Variants in CYB5R3 observed in about 807,000 individuals in gnomAD.
The protein encoded by CYB5R3 is NADH-cytochrome b5 reductase 3.
In CYB5R3, 28 loss-of-function variants were observed where a neutral mutation model predicts 36.5. The ratio of observed to expected loss-of-function variants is 0.77; its 90% CI spans 0.57 to 1.05. The LOEUF (loss-of-function observed/expected upper bound fraction) is 1.05, where lower values mean the gene tolerates loss of function less well. Ranked by LOEUF, CYB5R3 falls within the 50% of genes least tolerant of loss-of-function variation. The pLI is 0.00. For synonymous variants in CYB5R3, 181 were observed against 159.8 expected, an observed-to-expected ratio of 1.13 and a Z score of -1.00; for missense variants, 474 against 408.9, an observed-to-expected ratio of 1.16 and a Z score of -1.37.
chr22:42,630,684 G>A lies in CYB5R3; in HGVS notation c.333+198C>T, dbSNP rs2285139. Among the ~76,000 whole-genome samples, 48,153 of 152,144 alleles carry A rather than the reference G, an allele frequency of 0.32. 8,438 individuals are homozygous for A. The highest frequency in any genetic ancestry group is 0.41 in the South Asian group (1,957 of 4,818). On this transcript the variant is annotated intron_variant, in intron 4 of 8. Coordinates refer to ENST00000352397, the MANE Select transcript of CYB5R3 (RefSeq NM_000398.7). ...GGAGCACTGGGTCTTTGGAGTCCGG[G>A]CTGCGGGGGGACATGGACTCGAGAG...
chr22:42,630,948 C>T lies in CYB5R3; in HGVS notation c.267G>A (p.Leu89=), dbSNP rs752776652. 1.4e-5 allele frequency: 23 copies of T among 1,614,038 alleles called. No individual in the cohort carries two copies. The South Asian group carries it at 2.5e-4, about 18-fold the overall frequency. Residue 89 remains leucine, a synonymous_variant, in exon 4 of 9, where the codon CTG becomes CTA. Coordinates refer to ENST00000352397, the MANE Select transcript of CYB5R3 (RefSeq NM_000398.7). ...AGATGGGTGTATAGGGCCGGACGAC[C>T]AGGTTTCCATCAATTCGAGCCGAGA... ...IYLSARIDGN[L]VVRPYTPISS... is the part of the protein sequence containing the mutation.
At chr22:42,643,888 CCT>C (rs922291126) in intron 1 of CYB5R3, among the ~76,000 whole-genome samples, 43 of 152,068 alleles carry the variant, frequency 2.8e-4, no homozygotes, top group African/African-American at 9.4e-4. Flanking sequence ...GGTCAGCGCC[CCT>C]GAGCTGGCAC....
intron 4 of CYB5R3, 128 bp downstream of exon 4, chr22:42,630,754 G>A (rs905418000): frequency 5.9e-5 from 47 of 798,412 alleles, no homozygotes; most frequent in Non-Finnish European, 1.0e-4. Context: ...AGGAAGTGGG[G>A]CAGCCATGAC....
chr22:42,640,976 C>T (rs551472344), intron 1 of CYB5R3, among the ~76,000 whole-genome samples: 59 of 152,154 alleles, frequency 3.9e-4, no homozygotes, highest in South Asian at 3.1e-3. Flanking sequence ...TCTGTCTCAG[C>T]CTCCCGAGTA....
intron 2 of CYB5R3, 88 bp from the exon 3 acceptor site, chr22:42,631,538 C>T (rs1047277292): frequency 3.5e-6 from 4 of 1,157,102 alleles, no homozygotes; most frequent in Non-Finnish European, 5.1e-6. Context: ...CATCCCATTC[C>T]TCCTTTGTGT....
intron 1 of CYB5R3, among the ~76,000 whole-genome samples, chr22:42,645,603 T>C (rs1308985227): frequency 6.6e-6 from 1 of 152,038 alleles, no homozygotes; most frequent in Non-Finnish European, 1.5e-5. Flanking sequence ...TTCCTTCCAG[T>C]GTCTGCTCCC....
chr22:42,635,027 T>C (rs2146890820), intron 2 of CYB5R3, among the ~76,000 whole-genome samples: 2 of 150,634 alleles, frequency 1.3e-5, no homozygotes, highest in South Asian at 4.2e-4. Flanking sequence ...TGGAGTGCAG[T>C]GGCGCAATCT....
intron 1 of CYB5R3, among the ~76,000 whole-genome samples, chr22:42,648,111 C>T (rs923088247): frequency 1.3e-5 from 2 of 152,074 alleles, no homozygotes; most frequent in African/African-American, 4.8e-5. Flanking sequence ...TTCACCCTGG[C>T]CAAGGTTGCC....
chr22:42,620,077 G>C, intron 8 of CYB5R3, 132 bp from the exon 9 acceptor site: 1 of 903,488 alleles, frequency 1.1e-6, no homozygotes, highest in East Asian at 2.6e-5. Flanking sequence ...CTGTCACCAG[G>C]ACCCCCTGCC....
At chr22:42,622,337 G>A (rs951117377) in intron 8 of CYB5R3, among the ~76,000 whole-genome samples, 1 of 151,932 alleles carries the variant, frequency 6.6e-6, no homozygotes, top group South Asian at 2.1e-4. Context: ...CAGGAACCCC[G>A]CCACCATAAC....
intron 2 of CYB5R3, chr22:42,632,004 C>G (rs1928647095): frequency 6.3e-6 from 1 of 158,592 alleles, no homozygotes; most frequent in Non-Finnish European, 1.4e-5. Flanking sequence ...CTCCAAGAGC[C>G]CAAAGCCAGG....
Position 42,638,497 on chromosome 22 carries a change from A to G in CYB5R3, c.22-1651T>C, listed in dbSNP as rs74746483. Among the ~76,000 whole-genome samples the G allele has an allele frequency of 9.2e-3, 1,326 of 144,140 alleles. 26 individuals are homozygous for G. Among genetic ancestry groups the G allele is most frequent in the African/African-American group, 0.033 (1,274 of 38,574 alleles). 94.6% of individuals were successfully genotyped at this position (144,140 alleles called of 152,430 possible). On this transcript the variant is annotated intron_variant, in intron 1 of 8. Coordinates refer to ENST00000352397, the MANE Select transcript of CYB5R3 (RefSeq NM_000398.7). Reference sequence around the variant, plus strand: ...AGGCAGAAGATTGCTTGAGCCCAGTAGTTCGCGACCAGCCTGGGCAACATA... The same window carrying G: ...AGGCAGAAGATTGCTTGAGCCCAGTGGTTCGCGACCAGCCTGGGCAACATA...
At chr22:42,648,559 G>A (rs146410181) in intron 1 of CYB5R3, among the ~76,000 whole-genome samples, 19 of 152,032 alleles carry the variant, frequency 1.2e-4, no homozygotes, top group Admixed American at 3.3e-4. Context: ...CGGCGGCAGC[G>A]TTGTGGGACG....
intron 7 of CYB5R3, 45 bp from the exon 8 acceptor site, chr22:42,623,933 C>A: frequency 1.3e-6 from 2 of 1,548,214 alleles, no homozygotes; most frequent in South Asian, 2.2e-5. Context: ...GGGTGGCAGA[C>A]TGCCCCTGGA....
intron 1 of CYB5R3, among the ~76,000 whole-genome samples, chr22:42,639,277 T>G (rs1929093090): frequency 6.7e-6 from 1 of 148,282 alleles, no homozygotes; most frequent in Non-Finnish European, 1.5e-5. Flanking sequence ...TGAGCTGAGA[T>G]CGTGCCACTG....
chr22:42,648,039 C>A (rs1003701017), intron 1 of CYB5R3, among the ~76,000 whole-genome samples: 1 of 152,144 alleles, frequency 6.6e-6, no homozygotes, highest in Non-Finnish European at 1.5e-5. Flanking sequence ...ATAAAGGAGG[C>A]AGATGCTTTC....
Position 42,648,448 on chromosome 22 carries a change from G to A in CYB5R3, c.21+847C>T, listed in dbSNP as rs564849641. Among the ~76,000 whole-genome samples, 58 of 152,358 alleles carry A rather than the reference G, an allele frequency of 3.8e-4. 2 individuals are homozygous for A. Among genetic ancestry groups the A allele is most frequent in the African/African-American group, 1.1e-3 (47 of 41,588 alleles). ...ACCATGGTCAACTTTTGAGAAACTG[G>A]GGAGAGGAGGTGGCCTGGGGGGAAG... is the stretch of plus-strand genomic sequence containing the variant. On this transcript the variant is annotated intron_variant, in intron 1 of 8. Coordinates refer to ENST00000352397, the MANE Select transcript of CYB5R3 (RefSeq NM_000398.7).
Position 42,619,213 on chromosome 22 carries a change from G to A in CYB5R3, c.*560C>T, listed in dbSNP as rs1199868420. On this transcript the variant is annotated 3_prime_UTR_variant, in exon 9 of 9. Transcript: ENST00000352397. The stretch of plus-strand genomic sequence containing the variant: ...CCCCCTCTTCCCACTCTAGCCAGAG[G>A]AGAGCCAAGCTCCCGGCTGGCCAGG... The A allele has an allele frequency of 2.6e-5, 4 of 156,260 alleles. No individual in the cohort carries two copies. Among genetic ancestry groups the A allele is most frequent in the Non-Finnish European group, 4.3e-5 (3 of 70,250 alleles). 9.7% of individuals were successfully genotyped at this position (156,260 alleles called of 1,614,324 possible). A position where few individuals can be genotyped will look rare whatever the true frequency, so the allele number is the denominator to read the frequency against.
intron 4 of CYB5R3, among the ~76,000 whole-genome samples, chr22:42,628,990 C>A (rs530494337): frequency 6.6e-6 from 1 of 152,188 alleles, no homozygotes; most frequent in Admixed American, 6.5e-5. Context: ...AGGCAGAGCA[C>A]ACTGTCCTGG....
Sources: gnomAD v4.1 joint callset for allele counts (sites outside exome capture counted in the v4.1 genomes callset) on GRCh38, gnomAD v4.1.1 for gene constraint, MANE v1.5 for transcripts, NCBI Gene and HGNC (gene_info 2026-07-23, HGNC 2026-07-21) for gene names.